GAS7: variants seen among roughly 807,000 people sequenced by gnomAD.
The protein encoded by GAS7 is growth arrest-specific protein 7.
GAS7 carries 28 observed loss-of-function variants against 71.1 expected under a neutral mutation model. That is an observed-to-expected ratio of 0.39 (90% CI 0.29 to 0.54). The LOEUF (loss-of-function observed/expected upper bound fraction) is 0.54, where lower values mean the gene tolerates loss of function less well. Ranked by LOEUF, GAS7 falls within the 20% of genes least tolerant of loss-of-function variation. The pLI is 0.62. For missense variants in GAS7, 436 were observed against 627.8 expected (o/e 0.69, Z 3.27); for synonymous variants, 258 against 245.8 (o/e 1.05, Z -0.46).
intron 1 of GAS7, among the ~76,000 whole-genome samples, chr17:10,047,726 G>A (rs1053743074): frequency 2.0e-5 from 3 of 152,286 alleles, no homozygotes; most frequent in Non-Finnish European, 4.4e-5. Context: ...GATAGTGGAC[G>A]AGGTGAGGAT....
At chr17:9,950,166 T>C (rs1757865285) in intron 5 of GAS7, among the ~76,000 whole-genome samples, 1 of 151,822 alleles carries the variant, frequency 6.6e-6, no homozygotes, top group African/African-American at 2.4e-5. Flanking sequence ...GCTGGGCCTC[T>C]TTCTCCTTTT....
At chr17:10,163,089 C>G (rs2074268249) in intron 1 of GAS7, among the ~76,000 whole-genome samples, 1 of 152,084 alleles carries the variant, frequency 6.6e-6, no homozygotes, top group Non-Finnish European at 1.5e-5. Flanking sequence ...GGCTCAGAAA[C>G]CCTGTCTCTA....
intron 5 of GAS7, among the ~76,000 whole-genome samples, chr17:9,955,201 G>A (rs570729576): frequency 3.9e-5 from 6 of 152,268 alleles, no homozygotes; most frequent in East Asian, 3.9e-4. Context: ...TCCACCCTGC[G>A]GTGCTCCAAA....
At chr17:9,947,036 G>C (rs2068813970) in intron 5 of GAS7, 53 bp from the exon 6 acceptor site, 1 of 1,247,364 alleles carries the variant, frequency 8.0e-7, no homozygotes, top group African/African-American at 1.5e-5. Context: ...GGAATAGCGA[G>C]GAAGGCTTCG....
chr17:10,149,605 C>T (rs2074148418), intron 1 of GAS7, among the ~76,000 whole-genome samples: 1 of 152,054 alleles, frequency 6.6e-6, no homozygotes, highest in Non-Finnish European at 1.5e-5. Context: ...GCTAGAGACC[C>T]AAGAGAACTG....
At chr17:10,042,030 C>T (rs531686439) in intron 1 of GAS7, among the ~76,000 whole-genome samples, 1 of 152,290 alleles carries the variant, frequency 6.6e-6, no homozygotes, top group African/African-American at 2.4e-5. Flanking sequence ...AGCACGGTGG[C>T]TCATGCCTGT....
chr17:10,089,494 C>T (rs776457587), intron 1 of GAS7, among the ~76,000 whole-genome samples: 8 of 148,812 alleles, frequency 5.4e-5, no homozygotes, highest in Non-Finnish European at 8.9e-5. Context: ...ATTCCTCCTA[C>T]GGGTTCAGAG....
chr17:10,117,768 G>A (rs1300251344), intron 1 of GAS7, among the ~76,000 whole-genome samples: 4 of 152,276 alleles, frequency 2.6e-5, no homozygotes, highest in South Asian at 2.1e-4. Context: ...GCAACAGCCC[G>A]GCAGCATTGT....
In GAS7 at chr17:9,926,498, C is replaced by T. The variant is rs892721780; in HGVS notation, c.1014+143G>A. 78 of 859,032 alleles carry T rather than the reference C, an allele frequency of 9.1e-5. 1 individual carries two copies. The highest frequency in any genetic ancestry group is 5.7e-4 in the Admixed American group (25 of 43,692). The allele number at this position is 859,032 out of a possible 1,614,324, so 53.2% of individuals were successfully genotyped here. A position where few individuals can be genotyped will look rare whatever the true frequency, so the allele number is the denominator to read the frequency against. ...TGGGTGGGGTGCTCTGGCGTAGGCA[C>T]GAGGCTTGGACATCCCCCTATTCCC... On this transcript the variant is annotated intron_variant, in intron 10 of 13. Coordinates refer to ENST00000432992, the MANE Select transcript of GAS7 (RefSeq NM_201433.2). This position sits in a 1 kb window ranked among gnomAD's most constrained non-coding sequence, Gnocchi z 5.0.
chr17:10,020,208 G>A, intron 1 of GAS7: 1 of 259,262 alleles, frequency 3.9e-6, no homozygotes. Flanking sequence ...CTCACGGGGT[G>A]CTGAGCTTGC....
In GAS7 at chr17:10,009,687, A is replaced by C. The variant is rs113316810; in HGVS notation, c.304+10090T>G. Among the ~76,000 whole-genome samples, 442 of 151,330 alleles carry C rather than the reference A, an allele frequency of 2.9e-3. 2 individuals are homozygous for C. Among genetic ancestry groups the C allele is most frequent in the African/African-American group, 0.01 (426 of 41,234 alleles). On this transcript the variant is annotated intron_variant, in intron 2 of 13. Transcript: ENST00000432992. Reference sequence around the variant, plus strand: ...ACCCCTTCTCAAAAAAAAAAAAAAAAAACCAAACAAAAAATAAAACACTTT... The same window carrying C: ...ACCCCTTCTCAAAAAAAAAAAAAAACAACCAAACAAAAAATAAAACACTTT...
chr17:10,097,364 G>C (rs1347739320), intron 1 of GAS7, among the ~76,000 whole-genome samples: 1 of 152,226 alleles, frequency 6.6e-6, no homozygotes, highest in Non-Finnish European at 1.5e-5. Flanking sequence ...GCAGAAGAGA[G>C]ACTCCCCGGA....
intron 1 of GAS7, among the ~76,000 whole-genome samples, chr17:10,186,246 C>T (rs12950553): frequency 0.18 from 26,789 of 151,678 alleles, 2,695 homozygotes; most frequent in Middle Eastern, 0.26. Flanking sequence ...TGTGAGCTAC[C>T]GCGCGTGGCC....
Position 9,969,347 on chromosome 17 carries a change from C to T in GAS7, c.471+330G>A, listed in dbSNP as rs148659970. On this transcript the variant is annotated intron_variant, in intron 4 of 13. Transcript: ENST00000432992. The surrounding 1 kb of genome is among the most constrained non-coding windows in gnomAD (Gnocchi z 5.5). ...TAGAGAAAAGGAAAATTGTCTGGCA[C>T]ATCCATACTCTTAAAGTGGTGAGAA... Among the ~76,000 whole-genome samples the T allele has an allele frequency of 6.6e-6, 1 of 152,286 alleles. No homozygotes were observed. The highest frequency in any genetic ancestry group is 2.4e-5 in the African/African-American group (1 of 41,562).
At chr17:10,023,238 A>G (rs1218219269) in intron 1 of GAS7, among the ~76,000 whole-genome samples, 1 of 152,190 alleles carries the variant, frequency 6.6e-6, no homozygotes, top group East Asian at 1.9e-4. Context: ...CTCTGCCTCC[A>G]TCTCCCGAGG....
In GAS7 at chr17:9,981,754, T is replaced by TGTG; in HGVS notation, c.385+47_385+49dup. ...CCATCATCTCAGCCTCTCCACTGAATGTGGCATCAGGGCCCTCCCAGTTGC... is the reference window on the plus strand; with the variant it reads ...CCATCATCTCAGCCTCTCCACTGAATGTGGTGGCATCAGGGCCCTCCCAGTTGC... On this transcript the variant is annotated intron_variant, in intron 3 of 13. Coordinates refer to ENST00000432992, the MANE Select transcript of GAS7 (RefSeq NM_201433.2). The surrounding 1 kb of genome is among the most constrained non-coding windows in gnomAD (Gnocchi z 4.4). The TGTG allele has an allele frequency of 1.0e-6, 1 of 993,260 alleles. No individual in the cohort carries two copies. The highest frequency in any genetic ancestry group is 2.4e-5 in the East Asian group (1 of 42,068). The allele number at this position is 993,260 out of a possible 1,614,324, so 61.5% of individuals were successfully genotyped here.
chr17:10,062,045 G>A (rs1436434843), intron 1 of GAS7, among the ~76,000 whole-genome samples: 1 of 152,194 alleles, frequency 6.6e-6, no homozygotes. Flanking sequence ...CCCTGGTACA[G>A]ACACACTGAC....
At chr17:10,011,344 TG>T (rs2071764928) in intron 2 of GAS7, among the ~76,000 whole-genome samples, 1 of 152,152 alleles carries the variant, frequency 6.6e-6, no homozygotes, top group African/African-American at 2.4e-5. Flanking sequence ...ACAAACCAAA[TG>T]TGTAGGGAAA....
At chr17:10,013,621 G>A (rs537214709) in intron 2 of GAS7, among the ~76,000 whole-genome samples, 1 of 152,216 alleles carries the variant, frequency 6.6e-6, no homozygotes, top group African/African-American at 2.4e-5. Flanking sequence ...TTATATGAAA[G>A]CAACGGCATT....
Sources: gnomAD v4.1 joint callset for allele counts (sites outside exome capture counted in the v4.1 genomes callset) on GRCh38, gnomAD v4.1.1 for gene constraint, Gnocchi (gnomAD v3.1) non-coding constraint, MANE v1.5 for transcripts, NCBI Gene and HGNC (gene_info 2026-07-23, HGNC 2026-07-21) for gene names.